The following TENM3 variants were observed in gnomAD, a reference collection of about 807,000 sequenced individuals.
TENM3 encodes the protein teneurin-3.
TENM3 carries 63 observed loss-of-function variants against 255.1 expected under a neutral mutation model. The ratio of observed to expected loss-of-function variants is 0.25; its 90% CI spans 0.20 to 0.30. The LOEUF (loss-of-function observed/expected upper bound fraction) is 0.30, where lower values mean the gene tolerates loss of function less well. Ranked by LOEUF, TENM3 falls within the 10% of genes least tolerant of loss-of-function variation. The pLI, the probability that TENM3 is intolerant of heterozygous loss-of-function variation, is 1.00. For synonymous variants in TENM3, 1,306 were observed against 1,322.3 expected (o/e 0.99, Z 0.27); for missense variants, 2,929 against 3,461.1 (o/e 0.85, Z 3.86).
At chr4:181,859,259 AAAAAAAAT>A in the TENM3 span, among the ~76,000 whole-genome samples, 3 of 146,598 alleles carry the variant, frequency 2.0e-5, no homozygotes, top group Non-Finnish European at 3.0e-5. Flanking sequence ...AAAAAAAAAA[AAAAAAAAT>A]CCCTCATTTT....
chr4:182,408,975 G>A (rs989758778), intron 3 of TENM3, among the ~76,000 whole-genome samples: 8 of 152,228 alleles, frequency 5.3e-5, no homozygotes, highest in Non-Finnish European at 8.8e-5. Context: ...TACAGATAAC[G>A]AGGACCAGTC....
chr4:181,803,939 CAA>C, the TENM3 span, among the ~76,000 whole-genome samples: 60 of 117,538 alleles, frequency 5.1e-4, no homozygotes, highest in South Asian at 1.0e-3. Context: ...ATTATCTCAA[CAA>C]AAAAAAAAAA....
At chr4:182,192,746 C>G (rs1426900933) in intron 1 of TENM3, among the ~76,000 whole-genome samples, 1 of 152,144 alleles carries the variant, frequency 6.6e-6, no homozygotes, top group Non-Finnish European at 1.5e-5. Context: ...GGGGATGCAA[C>G]CAATCTAAAT....
chr4:181,800,145 G>A, the TENM3 span, among the ~76,000 whole-genome samples: 1 of 152,148 alleles, frequency 6.6e-6, no homozygotes, highest in Non-Finnish European at 1.5e-5. Context: ...TGGTAATGAG[G>A]ACTAGATTCA....
At position 182,792,566 on chromosome 4, in the gene TENM3, G is replaced by A; in HGVS notation, c.5894G>A (p.Arg1965Lys). The A allele has an allele frequency of 6.2e-7, 1 of 1,614,000 alleles. No homozygotes were observed. Among genetic ancestry groups the A allele is most frequent in the Non-Finnish European group, 8.5e-7 (1 of 1,179,898 alleles). ...TCAGAAATTTTATATGATAGCACAA[G>A]AGTCAGTTTTACCTATGATGAAACA... ...RLSEILYDST[R>K]VSFTYDETAG... Residue 1965 changes from arginine to lysine, a missense_variant, in exon 26 of 28, where the codon AGA becomes AAA. Coordinates refer to ENST00000511685, the MANE Select transcript of TENM3 (RefSeq NM_001080477.4). The surrounding 1 kb of genome is among the most constrained non-coding windows in gnomAD (Gnocchi z 6.3).
At chr4:181,677,430 G>GA in the TENM3 span, among the ~76,000 whole-genome samples, 1 of 152,100 alleles carries the variant, frequency 6.6e-6, no homozygotes, top group East Asian at 1.9e-4. Context: ...ACATTCCTTT[G>GA]AAAATGTCCC....
At chr4:181,597,987 C>T in the TENM3 span, among the ~76,000 whole-genome samples, 3 of 152,112 alleles carry the variant, frequency 2.0e-5, no homozygotes, top group African/African-American at 7.2e-5. Flanking sequence ...GTGGGTCATC[C>T]CCAGATCTCT....
At chr4:182,517,444 T>A (rs6856759) in intron 3 of TENM3, among the ~76,000 whole-genome samples, 2 of 140,032 alleles carry the variant, frequency 1.4e-5, no homozygotes, top group African/African-American at 5.4e-5. Flanking sequence ...AGTGCAGTGG[T>A]GCGATCTCGG....
At chr4:182,756,846 T>C (rs961385509) in intron 22 of TENM3, among the ~76,000 whole-genome samples, 1 of 152,214 alleles carries the variant, frequency 6.6e-6, no homozygotes, top group Non-Finnish European at 1.5e-5. Flanking sequence ...TAGCATTCCT[T>C]TTGCTCATTT....
chr4:182,121,583 A>T, the TENM3 span, among the ~76,000 whole-genome samples: 3 of 152,234 alleles, frequency 2.0e-5, no homozygotes, highest in Admixed American at 2.0e-4. Context: ...TGCATATAAA[A>T]GTTATGTTTA....
At chr4:182,308,460 G>A (rs1371810120) in intron 1 of TENM3, among the ~76,000 whole-genome samples, 3 of 151,996 alleles carry the variant, frequency 2.0e-5, no homozygotes, top group African/African-American at 7.3e-5. Context: ...AGGCCTACAG[G>A]TGGTATGTGC....
intron 2 of TENM3, 142 bp downstream of exon 2, chr4:182,324,394 A>G: frequency 1.5e-6 from 1 of 689,436 alleles, no homozygotes; most frequent in Non-Finnish European, 2.5e-6. Flanking sequence ...TTAGATCATC[A>G]TGCAGTATTC....
At chr4:181,461,629 C>A in the TENM3 span, among the ~76,000 whole-genome samples, 6 of 152,018 alleles carry the variant, frequency 3.9e-5, no homozygotes, top group Non-Finnish European at 8.8e-5. Context: ...TTTTCTATTG[C>A]AATGTATTAT....
the TENM3 span, among the ~76,000 whole-genome samples, chr4:181,604,214 G>A: frequency 6.7e-3 from 1,023 of 152,204 alleles, 14 homozygotes; most frequent in African/African-American, 0.023. Context: ...GCAGTGAGCC[G>A]AGATCGCGCC....
intron 3 of TENM3, among the ~76,000 whole-genome samples, chr4:182,475,522 C>T (rs138092069): frequency 6.6e-6 from 1 of 151,920 alleles, no homozygotes; most frequent in East Asian, 1.9e-4. Flanking sequence ...TTTTATATGC[C>T]TAATAATGTT....
the TENM3 span, among the ~76,000 whole-genome samples, chr4:181,454,068 G>A: frequency 6.6e-6 from 1 of 152,136 alleles, no homozygotes; most frequent in African/African-American, 2.4e-5. Context: ...AAACCAGGCT[G>A]ACATTACCTG....
the TENM3 span, among the ~76,000 whole-genome samples, chr4:181,823,810 C>T: frequency 6.6e-6 from 1 of 152,076 alleles, no homozygotes; most frequent in Non-Finnish European, 1.5e-5. Context: ...GTAATCGTCG[C>T]TGCCTTTCTC....
the TENM3 span, among the ~76,000 whole-genome samples, chr4:181,494,186 A>C: frequency 6.6e-6 from 1 of 152,220 alleles, no homozygotes; most frequent in Non-Finnish European, 1.5e-5. Context: ...GCTACTAATG[A>C]CTTATATTCT....
chr4:181,864,174 G>C, the TENM3 span, among the ~76,000 whole-genome samples: 2 of 152,288 alleles, frequency 1.3e-5, no homozygotes, highest in Admixed American at 6.5e-5. Context: ...GCAAATACTA[G>C]TGAGTATCCA....
Sources: gnomAD v4.1 joint callset for allele counts (sites outside exome capture counted in the v4.1 genomes callset) on GRCh38, gnomAD v4.1.1 for gene constraint, Gnocchi (gnomAD v3.1) non-coding constraint, MANE v1.5 for transcripts, NCBI Gene and HGNC (gene_info 2026-07-23, HGNC 2026-07-21) for gene names.